NUDCD1: variants seen among roughly 807,000 people sequenced by gnomAD.
NUDCD1 encodes nudC domain-containing protein 1.
In NUDCD1, 60 loss-of-function variants were observed where a neutral mutation model predicts 67.8. That is an observed-to-expected ratio of 0.88 (90% CI 0.72 to 1.10). NUDCD1 has a LOEUF of 1.10. Ranked by LOEUF, NUDCD1 falls within the 50% of genes least tolerant of loss-of-function variation. The pLI, the probability that NUDCD1 is intolerant of heterozygous loss-of-function variation, is 0.00. For missense variants in NUDCD1, 643 were observed against 695.0 expected (o/e 0.93, Z 0.84); for synonymous variants, 244 against 230.8 (o/e 1.06, Z -0.52).
At position 109,275,484 on chromosome 8, in the gene NUDCD1, G is replaced by A. The variant is rs763270842; in HGVS notation, c.1041C>T (p.Ser347=). 2 of 1,609,980 alleles carry A rather than the reference G, an allele frequency of 1.2e-6. No homozygotes were observed. Among genetic ancestry groups the A allele is most frequent in the East Asian group, 4.5e-5 (2 of 44,822 alleles). Residue 347 remains serine (S), a synonymous_variant, in exon 7 of 10, where the codon TCC becomes TCT. Coordinates refer to ENST00000239690, the MANE Select transcript of NUDCD1 (RefSeq NM_032869.4). ...TCAGTCCTTCATTCTTCTTAATCAAGGAAATCTCCAAGCTAGAAGTTTAAA... is the reference window on the plus strand; with the variant it reads ...TCAGTCCTTCATTCTTCTTAATCAAAGAAATCTCCAAGCTAGAAGTTTAAA... The part of the protein sequence containing the change: ...IIKESNSLEI[S]LIKKNEGLTW...
chr8:109,255,678 G>GAA (rs34690940), intron 8 of NUDCD1, among the ~76,000 whole-genome samples: 61 of 92,448 alleles, frequency 6.6e-4, no homozygotes, highest in African/African-American at 2.2e-3. Flanking sequence ...GTTCCACACA[G>GAA]AAAAAAAAAA....
chr8:109,273,909 A>T (rs1180738512), intron 7 of NUDCD1, among the ~76,000 whole-genome samples: 1 of 152,172 alleles, frequency 6.6e-6, no homozygotes, highest in Non-Finnish European at 1.5e-5. Context: ...ACAAATAGAC[A>T]TAAAAATCCC....
intron 8 of NUDCD1, among the ~76,000 whole-genome samples, chr8:109,256,229 T>A (rs1257754835): frequency 6.6e-6 from 1 of 151,936 alleles, no homozygotes; most frequent in African/African-American, 2.4e-5. Context: ...CCCAGAAAAC[T>A]GAACTAGGAA....
intron 8 of NUDCD1, among the ~76,000 whole-genome samples, chr8:109,267,723 C>G (rs1814034909): frequency 6.6e-6 from 1 of 152,092 alleles, no homozygotes; most frequent in South Asian, 2.1e-4. Context: ...ACAGTATGTA[C>G]AAAATACTGG....
chr8:109,298,470 A>G (rs958811513), intron 2 of NUDCD1: 2 of 152,200 alleles, frequency 1.3e-5, no homozygotes, highest in Non-Finnish European at 2.9e-5. Context: ...AAAAAATTAA[A>G]CTTATTCTCT....
chr8:109,294,774 T>A (rs1814802141), intron 3 of NUDCD1, among the ~76,000 whole-genome samples: 1 of 152,042 alleles, frequency 6.6e-6, no homozygotes, highest in Non-Finnish European at 1.5e-5. Flanking sequence ...AGCTGTCTCC[T>A]TTAATTTCTC....
intron 8 of NUDCD1, among the ~76,000 whole-genome samples, chr8:109,259,659 T>C (rs1813821989): frequency 1.3e-5 from 2 of 152,224 alleles, no homozygotes; most frequent in African/African-American, 2.4e-5. Context: ...GACAGCTGCC[T>C]GAATAATGCC....
At chr8:109,273,785 A>G (rs914075249) in intron 7 of NUDCD1, among the ~76,000 whole-genome samples, 10 of 152,116 alleles carry the variant, frequency 6.6e-5, no homozygotes, top group Non-Finnish European at 1.3e-4. Flanking sequence ...CTAGAAATAG[A>G]AGAGAGAACA....
intron 1 of NUDCD1, among the ~76,000 whole-genome samples, chr8:109,324,997 C>T (rs144769712): frequency 1.3e-5 from 2 of 151,962 alleles, no homozygotes; most frequent in African/African-American, 4.8e-5. Flanking sequence ...GGCTGAGGCA[C>T]GAGAATCGCT....
At chr8:109,301,836 T>C (rs1329441829) in intron 2 of NUDCD1, among the ~76,000 whole-genome samples, 1 of 152,126 alleles carries the variant, frequency 6.6e-6, no homozygotes, top group Non-Finnish European at 1.5e-5. Flanking sequence ...CTTCCCTTGG[T>C]GTTTAATCAC....
At chr8:109,328,573 G>C (rs1815731863) in intron 1 of NUDCD1, among the ~76,000 whole-genome samples, 1 of 152,144 alleles carries the variant, frequency 6.6e-6, no homozygotes, top group South Asian at 2.1e-4. Context: ...CTCACATAAG[G>C]CTAGGAACCA....
chr8:109,330,428 A>G (rs567292417), intron 1 of NUDCD1, among the ~76,000 whole-genome samples: 23 of 152,366 alleles, frequency 1.5e-4, no homozygotes, highest in Admixed American at 8.5e-4. Flanking sequence ...AGTTAGAATA[A>G]AAGAAATCAA....
At chr8:109,299,665 C>A (rs1814931184) in intron 2 of NUDCD1, among the ~76,000 whole-genome samples, 2 of 152,176 alleles carry the variant, frequency 1.3e-5, no homozygotes, top group African/African-American at 4.8e-5. Flanking sequence ...CCTTCCCTAC[C>A]CACCTTGGGA....
intron 2 of NUDCD1, among the ~76,000 whole-genome samples, chr8:109,297,042 C>CCTGATTTCTGA (rs1342939659): frequency 6.6e-6 from 1 of 152,186 alleles, no homozygotes. Context: ...AGCCAGACCA[C>CCTGATTTCTGA]CCACCTGAAC....
At chr8:109,306,443 TTC>T (rs1469268922) in intron 2 of NUDCD1, among the ~76,000 whole-genome samples, 1 of 152,110 alleles carries the variant, frequency 6.6e-6, no homozygotes. Context: ...CACTTTGCAT[TTC>T]TCTTTCCTCC....
intron 6 of NUDCD1, among the ~76,000 whole-genome samples, chr8:109,279,829 A>G (rs1249818674): frequency 6.6e-6 from 1 of 151,962 alleles, no homozygotes; most frequent in Admixed American, 6.6e-5. Flanking sequence ...ACGGGGTTTC[A>G]CCATGTTGGT....
intron 8 of NUDCD1, among the ~76,000 whole-genome samples, chr8:109,247,013 G>C (rs1240062319): frequency 6.6e-6 from 1 of 152,150 alleles, no homozygotes; most frequent in Non-Finnish European, 1.5e-5. Flanking sequence ...CTTTTTCGTA[G>C]AGCCAGTGCT....
intron 2 of NUDCD1, among the ~76,000 whole-genome samples, chr8:109,303,113 G>T (rs1173057420): frequency 6.6e-6 from 1 of 152,154 alleles, no homozygotes; most frequent in East Asian, 1.9e-4. Flanking sequence ...CTGGGCCAAG[G>T]AAAGCCCGCA....
At chr8:109,267,851 T>C (rs1211958809) in intron 8 of NUDCD1, among the ~76,000 whole-genome samples, 1 of 152,190 alleles carries the variant, frequency 6.6e-6, no homozygotes, top group African/African-American at 2.4e-5. Flanking sequence ...TTCACACTCT[T>C]AGGAACACAG....
Sources: allele counts gnomAD v4.1 joint callset (sites outside exome capture counted in the v4.1 genomes callset), GRCh38; gene constraint gnomAD v4.1.1; transcripts MANE v1.5; gene names NCBI Gene and HGNC (gene_info 2026-07-23, HGNC 2026-07-21).